The following CNTN5 variants were observed in gnomAD, a reference collection of about 807,000 sequenced individuals.
The protein encoded by CNTN5 is contactin 5.
A neutral mutation model predicts 129.1 loss-of-function variants in CNTN5; 77 were observed. The ratio of observed to expected loss-of-function variants is 0.60; its 90% CI spans 0.50 to 0.72. CNTN5 has a LOEUF of 0.72. CNTN5 is among the 30% of genes least tolerant of loss of function. The pLI is 0.00. For missense variants in CNTN5, 1,478 were observed against 1,328.8 expected (o/e 1.11, Z -1.75); for synonymous variants, 509 against 465.6 (o/e 1.09, Z -1.20).
intron 13 of CNTN5, among the ~76,000 whole-genome samples, chr11:100,093,436 TA>T (rs1944871976): frequency 6.6e-6 from 1 of 151,838 alleles, no homozygotes; most frequent in Non-Finnish European, 1.5e-5. Flanking sequence ...AAGTTTTTAT[TA>T]TTTTTTTTTT....
chr11:99,845,244 G>T lies in CNTN5; in HGVS notation c.559G>T (p.Ala187Ser). ...NTVGSILSREATLQFAYLGNF... is the reference protein window; with the variant it reads ...NTVGSILSRESTLQFAYLGNF... ...TGTGGGGAGTATTCTTAGTAGAGAA[G>T]CTACACTGCAGTTTGCCTGTGAGTA... Residue 187 changes from alanine to serine, a missense_variant, in exon 6 of 25, where the codon GCT (alanine) becomes TCT (serine). Ala to Ser is a moderately conservative substitution (Grantham distance 99). Transcript: ENST00000524871. 1 of 1,611,614 alleles carries T rather than the reference G, an allele frequency of 6.2e-7. No homozygotes were observed. Among genetic ancestry groups the T allele is most frequent in the Non-Finnish European group, 8.5e-7 (1 of 1,178,888 alleles).
chr11:99,306,829 C>A (rs1864899760), intron 1 of CNTN5, among the ~76,000 whole-genome samples: 1 of 151,286 alleles, frequency 6.6e-6, no homozygotes, highest in Non-Finnish European at 1.5e-5. Flanking sequence ...CCATGTTAAT[C>A]ATTTTTAAGT....
At chr11:100,264,582 A>C (rs894004002) in intron 17 of CNTN5, among the ~76,000 whole-genome samples, 7 of 152,166 alleles carry the variant, frequency 4.6e-5, no homozygotes, top group Non-Finnish European at 1.0e-4. Context: ...TCATGACTAC[A>C]TAATACTCCG....
intron 3 of CNTN5, among the ~76,000 whole-genome samples, chr11:99,685,552 T>A (rs1953753719): frequency 6.6e-6 from 1 of 151,968 alleles, no homozygotes; most frequent in Non-Finnish European, 1.5e-5. Flanking sequence ...AACACTAATT[T>A]AAAATTATTT....
At chr11:100,330,248 G>C (rs1951877860) in intron 21 of CNTN5, among the ~76,000 whole-genome samples, 1 of 152,134 alleles carries the variant, frequency 6.6e-6, no homozygotes, top group Admixed American at 6.5e-5. Flanking sequence ...CAAAGACAAG[G>C]CTTTTGAATT....
chr11:99,866,766 C>A (rs1175756603), intron 6 of CNTN5, among the ~76,000 whole-genome samples: 3 of 152,172 alleles, frequency 2.0e-5, no homozygotes, highest in Non-Finnish European at 4.4e-5. Flanking sequence ...GCTGGCTTAG[C>A]CCATGGGCGC....
chr11:100,282,852 C>A (rs1181989347), intron 18 of CNTN5, among the ~76,000 whole-genome samples: 2 of 152,224 alleles, frequency 1.3e-5, no homozygotes, highest in Non-Finnish European at 2.9e-5. Flanking sequence ...AGGAGCCTCA[C>A]CACGTGGCCA....
At chr11:99,848,155 A>G (rs1158708269) in intron 6 of CNTN5, among the ~76,000 whole-genome samples, 1 of 151,940 alleles carries the variant, frequency 6.6e-6, no homozygotes, top group African/African-American at 2.4e-5. Context: ...GCTTGCAGTG[A>G]GCCGAGATCA....
At chr11:100,199,783 T>A (rs2138543086) in intron 15 of CNTN5, among the ~76,000 whole-genome samples, 1 of 152,108 alleles carries the variant, frequency 6.6e-6, no homozygotes, top group African/African-American at 2.4e-5. Flanking sequence ...ATTATGTTAT[T>A]CTATAATATT....
At chr11:99,504,756 C>T (rs1946556257) in intron 2 of CNTN5, among the ~76,000 whole-genome samples, 1 of 152,038 alleles carries the variant, frequency 6.6e-6, no homozygotes, top group African/African-American at 2.4e-5. Flanking sequence ...TCTTTGAAAC[C>T]TTCTTTTGCT....
intron 3 of CNTN5, among the ~76,000 whole-genome samples, chr11:99,786,380 C>T (rs993203105): frequency 4.0e-5 from 6 of 151,678 alleles, no homozygotes; most frequent in African/African-American, 1.4e-4. Context: ...AAAAACATTC[C>T]ATGCCCATGG....
At chr11:99,920,932 C>A (rs1251599101) in intron 7 of CNTN5, among the ~76,000 whole-genome samples, 1 of 151,938 alleles carries the variant, frequency 6.6e-6, no homozygotes, top group Non-Finnish European at 1.5e-5. Flanking sequence ...TTATATGAGG[C>A]CTTGAGGGTT....
chr11:100,179,749 C>A (rs1026145068), intron 13 of CNTN5, among the ~76,000 whole-genome samples: 8 of 151,876 alleles, frequency 5.3e-5, no homozygotes, highest in Non-Finnish European at 1.0e-4. Flanking sequence ...AATAATTTAT[C>A]CATTGCTAAG....
At chr11:99,773,744 A>G (rs1945024208) in intron 3 of CNTN5, among the ~76,000 whole-genome samples, 1 of 152,078 alleles carries the variant, frequency 6.6e-6, no homozygotes, top group Middle Eastern at 3.4e-3. Flanking sequence ...TCTGAGTATG[A>G]TTTTCCTTGT....
At chr11:100,137,175 T>TA (rs1669812422) in intron 13 of CNTN5, among the ~76,000 whole-genome samples, 1 of 152,100 alleles carries the variant, frequency 6.6e-6, no homozygotes, top group South Asian at 2.1e-4. Context: ...CTTTTATATG[T>TA]AAATCATTCT....
chr11:100,198,093 A>G lies in CNTN5; in HGVS notation c.1884+4430A>G, dbSNP rs114775943. 3.9e-3 allele frequency among the ~76,000 whole-genome samples: 592 copies of G among 152,066 alleles called. 4 individuals are homozygous for G. The highest frequency in any genetic ancestry group is 0.014 in the African/African-American group (561 of 41,528). Reference sequence around the variant, plus strand: ...ACTACACATTTGTTCACTCTCCTTTATAAACCCTCTCCATATTCACTGACC... The same window carrying G: ...ACTACACATTTGTTCACTCTCCTTTGTAAACCCTCTCCATATTCACTGACC... On this transcript the variant is annotated intron_variant, in intron 15 of 24. Coordinates refer to ENST00000524871, the MANE Select transcript of CNTN5 (RefSeq NM_014361.4).
In CNTN5 at chr11:100,072,487, T is replaced by C. The variant is rs148266440; in HGVS notation, c.1429+653T>C. Among the ~76,000 whole-genome samples, 17 of 152,296 alleles carry C rather than the reference T, an allele frequency of 1.1e-4. No individual in the cohort carries two copies. The East Asian group carries it at 3.3e-3, about 29-fold the overall frequency. ...AAAAAGCATATATGAGCCATTGGAA[T>C]GAATTTTACTTTTCCCACTTTGATT... On this transcript the variant is annotated intron_variant, in intron 12 of 24. Transcript: ENST00000524871.
At chr11:99,819,088 G>T (rs1009058692) in intron 3 of CNTN5, among the ~76,000 whole-genome samples, 5 of 151,604 alleles carry the variant, frequency 3.3e-5, no homozygotes, top group African/African-American at 1.2e-4. Context: ...TTTCCTCACT[G>T]CATTTTAATA....
At chr11:100,348,374 C>A (rs1418134685) in intron 23 of CNTN5, among the ~76,000 whole-genome samples, 1 of 151,872 alleles carries the variant, frequency 6.6e-6, no homozygotes, top group Non-Finnish European at 1.5e-5. Context: ...ACTCCATCTC[C>A]CTGGATATAT....
Sources: allele counts gnomAD v4.1 joint callset (sites outside exome capture counted in the v4.1 genomes callset), GRCh38; gene constraint gnomAD v4.1.1; transcripts MANE v1.5; gene names NCBI Gene and HGNC (gene_info 2026-07-23, HGNC 2026-07-21).